USP47: variants seen among roughly 807,000 people sequenced by gnomAD.
The protein encoded by USP47 is ubiquitin specific peptidase 47.
A neutral mutation model predicts 165.1 loss-of-function variants in USP47; 35 were observed. The observed-to-expected ratio is 0.21, with a 90% confidence interval of 0.16 to 0.28. The LOEUF (loss-of-function observed/expected upper bound fraction) is 0.28, where lower values mean the gene tolerates loss of function less well. USP47 is among the 10% of genes least tolerant of loss of function. USP47 has a pLI of 1.00. For missense variants in USP47, 1,277 were observed against 1,607.4 expected, an observed-to-expected ratio of 0.79 and a Z score of 3.52; for synonymous variants, 531 against 544.5, an observed-to-expected ratio of 0.98 and a Z score of 0.35.
At chr11:11,948,386 C>A in intron 21 of USP47, 92 bp from the exon 22 acceptor site, 4 of 1,123,688 alleles carry the variant, frequency 3.6e-6, no homozygotes, top group Non-Finnish European at 5.3e-6. Flanking sequence ...AGCCTATAAT[C>A]TAGAGTATTT....
chr11:11,885,036 C>G (rs1851064756), intron 3 of USP47, among the ~76,000 whole-genome samples: 1 of 152,182 alleles, frequency 6.6e-6, no homozygotes, highest in Admixed American at 6.5e-5. Context: ...TTTGGAATGA[C>G]TGGTGTATAC....
At chr11:11,847,167 G>A (rs1289091634) in intron 1 of USP47, among the ~76,000 whole-genome samples, 8 of 151,990 alleles carry the variant, frequency 5.3e-5, no homozygotes, top group Admixed American at 4.6e-4. Context: ...CTGAATTTCT[G>A]GATTATTGGG....
chr11:11,922,413 T>C (rs1361966221), intron 10 of USP47, among the ~76,000 whole-genome samples: 2 of 151,962 alleles, frequency 1.3e-5, no homozygotes, highest in African/African-American at 4.8e-5. Flanking sequence ...TGGATTTTGC[T>C]AAAAGAAATG....
intron 17 of USP47, among the ~76,000 whole-genome samples, chr11:11,937,556 T>G (rs370516615): frequency 6.7e-6 from 1 of 150,280 alleles, no homozygotes; most frequent in Non-Finnish European, 1.5e-5. Flanking sequence ...AAAGAGTCCC[T>G]TAAGGACATT....
intron 27 of USP47, 144 bp from the exon 28 acceptor site, chr11:11,955,857 G>T: frequency 1.5e-6 from 1 of 655,988 alleles, no homozygotes; most frequent in Non-Finnish European, 2.4e-6. Context: ...TTAGAAATCT[G>T]GGACATCTCA....
intron 10 of USP47, among the ~76,000 whole-genome samples, chr11:11,920,788 A>T (rs1853779543): frequency 6.6e-6 from 1 of 151,862 alleles, no homozygotes; most frequent in Admixed American, 6.6e-5. Flanking sequence ...AAGTTGAGTG[A>T]TAATCTTATA....
intron 1 of USP47, among the ~76,000 whole-genome samples, chr11:11,867,757 T>C (rs1849775727): frequency 6.6e-6 from 1 of 152,248 alleles, no homozygotes; most frequent in Non-Finnish European, 1.5e-5. Context: ...AAATAATTTT[T>C]GTGGAAATTA....
At chr11:11,854,719 C>T (rs945825707) in intron 1 of USP47, among the ~76,000 whole-genome samples, 7 of 147,682 alleles carry the variant, frequency 4.7e-5, no homozygotes, top group African/African-American at 9.7e-5. Flanking sequence ...TTAATGTCTA[C>T]AGCACTAATC....
Position 11,920,339 on chromosome 11 carries a change from T to A in USP47, c.1066-3T>A. ...CTCCCCCTTTTTGTTGTTTGTTTTT[T>A]AGGGCCTTCGGTTTTTGCATTTTCC... On this transcript the variant is annotated splice_polypyrimidine_tract_variant and splice_region_variant and intron_variant, in intron 9 of 27. Transcript: ENST00000527733. 1 of 1,606,048 alleles carries A rather than the reference T, an allele frequency of 6.2e-7. No homozygotes were observed. Among genetic ancestry groups the A allele is most frequent in the Non-Finnish European group, 8.5e-7 (1 of 1,176,920 alleles).
In USP47 at chr11:11,952,684, T is replaced by C. The variant is rs375691002; in HGVS notation, c.3584-57T>C. ...GTTTAGTAAGGCACTAAGGGAAAAG[T>C]CAAATTATGAACCTTCAGAGGAAAT... On this transcript the variant is annotated intron_variant, in intron 24 of 27. Coordinates refer to ENST00000527733, the MANE Select transcript of USP47 (RefSeq NM_001282659.2). 1.4e-5 allele frequency: 20 copies of C among 1,453,944 alleles called. No individual in the cohort carries two copies. In the African/African-American group the frequency reaches 2.5e-4, roughly 18 times the overall value. 90.1% of individuals were successfully genotyped at this position (1,453,944 alleles called of 1,614,324 possible). A position where few individuals can be genotyped will look rare whatever the true frequency, so the allele number is the denominator to read the frequency against.
chr11:11,955,867 AG>A, intron 27 of USP47, 133 bp from the exon 28 acceptor site: 2 of 712,786 alleles, frequency 2.8e-6, no homozygotes, highest in Non-Finnish European at 4.4e-6. Context: ...GGGACATCTC[AG>A]TATATAAAAT....
rs536644091 is a variant in USP47, at chr11:11,957,184, A to T, written c.*1009A>T. ...TTACTTCAAGTTTGAATCTTCTAGA[A>T]TGCTTGTAAGTCCAGTTTTAATTTT... On this transcript the variant is annotated 3_prime_UTR_variant, in exon 28 of 28. Transcript: ENST00000527733. 1 of 152,304 alleles carries T rather than the reference A, an allele frequency of 6.6e-6. No individual in the cohort carries two copies. Among genetic ancestry groups the T allele is most frequent in the South Asian group, 2.1e-4 (1 of 4,828 alleles). 9.4% of individuals were successfully genotyped at this position (152,304 alleles called of 1,614,324 possible).
At chr11:11,852,899 A>C (rs1291646509) in intron 1 of USP47, among the ~76,000 whole-genome samples, 1 of 152,132 alleles carries the variant, frequency 6.6e-6, no homozygotes, top group Non-Finnish European at 1.5e-5. Flanking sequence ...TTCATGTGTC[A>C]CTTCTGTGCC....
rs1269266416 is a variant in USP47 at position 11,880,636 on chromosome 11, A to G, written c.243+256A>G. ...TCATTCATGAAAGGTGACTCTCATA[A>G]TATTGTCTCAACTAAAGAAAAATTT... is the stretch of plus-strand genomic sequence containing the variant. On this transcript the variant is annotated intron_variant, in intron 2 of 27. Transcript: ENST00000527733. Among the ~76,000 whole-genome samples, 4 of 152,282 alleles carry G rather than the reference A, an allele frequency of 2.6e-5. No individual in the cohort carries two copies. In the South Asian group the frequency reaches 8.3e-4, roughly 32 times the overall value.
intron 1 of USP47, among the ~76,000 whole-genome samples, chr11:11,852,189 C>T (rs188445518): frequency 1.1e-4 from 17 of 152,210 alleles, no homozygotes; most frequent in Non-Finnish European, 2.2e-4. Flanking sequence ...GTGATCTTGC[C>T]TGCAGCAATT....
rs1564902010 is a variant in USP47, at chr11:11,961,791, GT to G, written c.*5619del. On this transcript the variant is annotated 3_prime_UTR_variant, in exon 28 of 28. Coordinates refer to ENST00000527733, the MANE Select transcript of USP47 (RefSeq NM_001282659.2). ...AGGGACTGAGAACAGCTGTTGAGCA[GT>G]TTACCTGACGGCATCTGCCATGGCT... Among the ~76,000 whole-genome samples the G allele has an allele frequency of 6.6e-6, 1 of 152,254 alleles. No individual in the cohort carries two copies. The highest frequency in any genetic ancestry group is 1.5e-5 in the Non-Finnish European group (1 of 68,046).
chr11:11,848,322 C>A (rs1434519128), intron 1 of USP47, among the ~76,000 whole-genome samples: 1 of 152,160 alleles, frequency 6.6e-6, no homozygotes, highest in African/African-American at 2.4e-5. Flanking sequence ...TTGCCTGTTG[C>A]TCCTAGGCTA....
chr11:11,930,642 G>T, intron 13 of USP47, 54 bp from the exon 14 acceptor site: 1 of 1,295,544 alleles, frequency 7.7e-7, no homozygotes, highest in Non-Finnish European at 1.1e-6. Flanking sequence ...CTTAGAAGTG[G>T]AATCTTTTTA....
At chr11:11,851,215 T>C (rs1272163304) in intron 1 of USP47, among the ~76,000 whole-genome samples, 2 of 152,186 alleles carry the variant, frequency 1.3e-5, no homozygotes, top group Non-Finnish European at 2.9e-5. Context: ...AGCATGCAGA[T>C]TAACCTAATT....
Sources: gnomAD v4.1 joint callset for allele counts (sites outside exome capture counted in the v4.1 genomes callset) on GRCh38, gnomAD v4.1.1 for gene constraint, MANE v1.5 for transcripts, NCBI Gene and HGNC (gene_info 2026-07-23, HGNC 2026-07-21) for gene names.